Variants in SNX4 observed in about 807,000 individuals in gnomAD.
The protein encoded by SNX4 is sorting nexin 4.
A neutral mutation model predicts 70.8 loss-of-function variants in SNX4; 49 were observed. The ratio of observed to expected loss-of-function variants is 0.69; its 90% confidence interval spans 0.55 to 0.88. The LOEUF (loss-of-function observed/expected upper bound fraction) is 0.88. Ranked by LOEUF, SNX4 falls within the 40% of genes least tolerant of loss-of-function variation. SNX4 has a pLI of 0.00. For synonymous variants in SNX4, 206 were observed against 183.8 expected, an observed-to-expected ratio of 1.12 and a Z score of -0.98; for missense variants, 528 against 544.8, an observed-to-expected ratio of 0.97 and a Z score of 0.31.
At chr3:125,501,914 G>A (rs1048958137) in intron 2 of SNX4, among the ~76,000 whole-genome samples, 1 of 152,078 alleles carries the variant, frequency 6.6e-6, no homozygotes, top group Non-Finnish European at 1.5e-5. Flanking sequence ...CTAACTCCCA[G>A]GTTCAAATTA....
At chr3:125,515,361 A>G (rs982130340) in intron 1 of SNX4, among the ~76,000 whole-genome samples, 1 of 150,562 alleles carries the variant, frequency 6.6e-6, no homozygotes, top group Non-Finnish European at 1.5e-5. Flanking sequence ...CAAAAAATAT[A>G]TATATATATA....
chr3:125,468,980 T>C (rs1934105022), intron 9 of SNX4, among the ~76,000 whole-genome samples: 1 of 152,232 alleles, frequency 6.6e-6, no homozygotes. Flanking sequence ...TTAGGGCTCT[T>C]ATTTAATTTT....
chr3:125,501,147 C>G (rs9862391), intron 2 of SNX4, among the ~76,000 whole-genome samples: 18,984 of 152,084 alleles, frequency 0.12, 1,451 homozygotes, highest in African/African-American at 0.21. Context: ...GGTCAGTTAA[C>G]CTTAGGGATA....
intron 7 of SNX4, among the ~76,000 whole-genome samples, chr3:125,479,508 T>C (rs549192171): frequency 6.6e-6 from 1 of 151,412 alleles, no homozygotes; most frequent in Admixed American, 6.7e-5. Context: ...TGAGCTGAGA[T>C]TGTGCCACTG....
intron 1 of SNX4, among the ~76,000 whole-genome samples, chr3:125,512,693 C>T (rs902194145): frequency 2.6e-5 from 4 of 151,980 alleles, no homozygotes; most frequent in Non-Finnish European, 5.9e-5. Context: ...AGAGGTATCG[C>T]TATGTTGCCT....
intron 11 of SNX4, among the ~76,000 whole-genome samples, chr3:125,455,181 C>T (rs1214018371): frequency 3.3e-5 from 5 of 152,282 alleles, no homozygotes; most frequent in Admixed American, 2.0e-4. Context: ...TCTGGGTTTA[C>T]GCCTCTGCTG....
At chr3:125,479,515 A>G (rs1443993032) in intron 7 of SNX4, among the ~76,000 whole-genome samples, 1 of 150,688 alleles carries the variant, frequency 6.6e-6, no homozygotes, top group Non-Finnish European at 1.5e-5. Flanking sequence ...AGATTGTGCC[A>G]CTGCACTCCA....
chr3:125,463,064 G>T (rs988065377), intron 9 of SNX4, among the ~76,000 whole-genome samples: 3 of 152,134 alleles, frequency 2.0e-5, no homozygotes, highest in African/African-American at 7.2e-5. Flanking sequence ...ATTAATTCTG[G>T]TTCCTTCGCA....
At chr3:125,501,703 C>A (rs1162828900) in intron 2 of SNX4, among the ~76,000 whole-genome samples, 3 of 151,998 alleles carry the variant, frequency 2.0e-5, no homozygotes, top group Admixed American at 2.0e-4. Flanking sequence ...CTGGGCCCTA[C>A]CCCAAATCCT....
intron 12 of SNX4, among the ~76,000 whole-genome samples, chr3:125,453,006 T>TCTTGGTCTGC (rs1933616812): frequency 1.3e-5 from 2 of 152,178 alleles, no homozygotes; most frequent in South Asian, 4.1e-4. Context: ...CAAAATACAC[T>TCTTGGTCTGC]CTTGGTCTGC....
At position 125,447,682 on chromosome 3, in the gene SNX4, T is replaced by C; in HGVS notation, c.*97A>G. 1.3e-6 allele frequency: 1 copy of C among 742,120 alleles called. No individual in the cohort carries two copies. The highest frequency in any genetic ancestry group is 2.2e-6 in the Non-Finnish European group (1 of 447,696). The allele number at this position is 742,120 out of a possible 1,614,324, so 46.0% of individuals were successfully genotyped here. On this transcript the variant is annotated 3_prime_UTR_variant, in exon 14 of 14. Coordinates refer to ENST00000251775, the MANE Select transcript of SNX4 (RefSeq NM_003794.4). ...AGCTGAATTTATTTAACTTATTGTA[T>C]ATGTTTATGTATACTAGGTAGTGAC... is the stretch of plus-strand genomic sequence containing the variant.
chr3:125,505,994 C>A (rs1375080416), intron 1 of SNX4, among the ~76,000 whole-genome samples: 2 of 152,132 alleles, frequency 1.3e-5, no homozygotes, highest in South Asian at 2.1e-4. Context: ...AAAATAATCA[C>A]ACATGCCCAG....
chr3:125,487,729 G>A (rs567490078), intron 6 of SNX4, among the ~76,000 whole-genome samples: 115 of 148,224 alleles, frequency 7.8e-4, no homozygotes, highest in African/African-American at 2.7e-3. Context: ...CAATCTCAAT[G>A]TTGACATACT....
intron 12 of SNX4, among the ~76,000 whole-genome samples, chr3:125,452,111 T>C (rs929411856): frequency 8.6e-6 from 1 of 116,240 alleles, no homozygotes; most frequent in Non-Finnish European, 1.8e-5. Context: ...ACGTTTAGCA[T>C]TTTTTTTTTT....
Position 125,463,873 on chromosome 3 carries a change from C to T in SNX4, c.855-3013G>A, listed in dbSNP as rs541087397. Among the ~76,000 whole-genome samples the T allele has an allele frequency of 2.6e-5, 4 of 152,138 alleles. No homozygotes were observed. The South Asian group carries it at 6.2e-4, about 24-fold the overall frequency. On this transcript the variant is annotated intron_variant, in intron 9 of 13. Transcript: ENST00000251775. The stretch of plus-strand genomic sequence containing the variant: ...TATACTATGGTTAGAAATGTTTGCT[C>T]CTATACTTGCTTCTTCACTGTCTTA...
intron 2 of SNX4, among the ~76,000 whole-genome samples, chr3:125,502,554 G>C (rs1397472730): frequency 6.6e-6 from 1 of 151,790 alleles, no homozygotes. Flanking sequence ...AAAATGGTAG[G>C]TTAAAATTTT....
At chr3:125,465,832 A>T (rs565202085) in intron 9 of SNX4, among the ~76,000 whole-genome samples, 2 of 151,924 alleles carry the variant, frequency 1.3e-5, no homozygotes, top group African/African-American at 4.8e-5. Flanking sequence ...TAGTAGAGAC[A>T]GGGTTTCACC....
At chr3:125,486,914 T>C (rs1934545886) in intron 6 of SNX4, among the ~76,000 whole-genome samples, 1 of 152,060 alleles carries the variant, frequency 6.6e-6, no homozygotes. Context: ...TGTGTATACA[T>C]ATATATGTAT....
At chr3:125,510,035 G>C (rs1038958839) in intron 1 of SNX4, among the ~76,000 whole-genome samples, 6 of 152,138 alleles carry the variant, frequency 3.9e-5, no homozygotes, top group African/African-American at 1.4e-4. Context: ...AGCTGCTGTA[G>C]AAAACAGTAC....
Sources: allele counts gnomAD v4.1 joint callset (sites outside exome capture counted in the v4.1 genomes callset), GRCh38; gene constraint gnomAD v4.1.1; transcripts MANE v1.5; gene names NCBI Gene and HGNC (gene_info 2026-07-23, HGNC 2026-07-21).